The following BLTP3B variants were observed in gnomAD, a reference collection of about 807,000 sequenced individuals.
The protein encoded by BLTP3B is bridge-like lipid transfer protein family member 3B.
chr12:100,138,646 C>T, the BLTP3B span, among the ~76,000 whole-genome samples: 1 of 152,234 alleles, frequency 6.6e-6, no homozygotes, highest in South Asian at 2.1e-4. Context: ...ACGATGACTC[C>T]ACCGAGGTGA....
At chr12:100,091,651 C>T in the BLTP3B span, among the ~76,000 whole-genome samples, 3 of 151,780 alleles carry the variant, frequency 2.0e-5, no homozygotes, top group Admixed American at 6.6e-5. Flanking sequence ...TATAGGCACC[C>T]GCCACCACGC....
At chr12:100,059,086 G>T in the BLTP3B span, 1 of 1,614,042 alleles carries the variant, frequency 6.2e-7, no homozygotes, top group South Asian at 1.1e-5. Context: ...TATCTTGTTG[G>T]TTGACAAATC....
the BLTP3B span, among the ~76,000 whole-genome samples, chr12:100,105,401 A>G: frequency 1.7e-4 from 26 of 152,022 alleles, no homozygotes; most frequent in Non-Finnish European, 2.6e-4. Context: ...CTAACAATCA[A>G]CTGATCTTTG....
chr12:100,097,556 G>A, the BLTP3B span: 1 of 1,503,152 alleles, frequency 6.7e-7, no homozygotes, highest in Non-Finnish European at 8.9e-7. Context: ...AACAGAATGA[G>A]AAAAATGTAG....
the BLTP3B span, among the ~76,000 whole-genome samples, chr12:100,044,755 C>G: frequency 2.0e-5 from 3 of 152,134 alleles, no homozygotes; most frequent in African/African-American, 7.2e-5. Flanking sequence ...CCAGGGCAAT[C>G]AGGCAAGACA....
chr12:100,136,578 C>T, the BLTP3B span, among the ~76,000 whole-genome samples: 1 of 151,804 alleles, frequency 6.6e-6, no homozygotes, highest in East Asian at 1.9e-4. Flanking sequence ...CTGAGCTTTA[C>T]CATAAAAGTT....
chr12:100,070,165 G>A, the BLTP3B span: 140 of 1,571,180 alleles, frequency 8.9e-5, 2 homozygotes, highest in African/African-American at 1.6e-3. Flanking sequence ...TGCTTAGGAA[G>A]GCAGCTGAGA....
At chr12:100,137,295 C>A in the BLTP3B span, among the ~76,000 whole-genome samples, 1 of 152,042 alleles carries the variant, frequency 6.6e-6, no homozygotes, top group African/African-American at 2.4e-5. Context: ...TATCAGCTAC[C>A]GCCCTCTCCT....
chr12:100,051,633 A>T, the BLTP3B span: 1 of 153,542 alleles, frequency 6.5e-6, no homozygotes, highest in Non-Finnish European at 1.4e-5. Context: ...ATACATTATT[A>T]AAAAAATGGC....
the BLTP3B span, among the ~76,000 whole-genome samples, chr12:100,112,061 T>C: frequency 2.0e-5 from 3 of 152,204 alleles, no homozygotes; most frequent in African/African-American, 7.2e-5. Flanking sequence ...TTCTCCTTAT[T>C]TATACTTCTC....
chr12:100,112,966 T>G, the BLTP3B span, among the ~76,000 whole-genome samples: 1 of 148,416 alleles, frequency 6.7e-6, no homozygotes, highest in Non-Finnish European at 1.5e-5. Flanking sequence ...AGCCCAGGAG[T>G]TCAAGACTAG....
chr12:100,140,574 G>A, the BLTP3B span, among the ~76,000 whole-genome samples: 7 of 150,546 alleles, frequency 4.6e-5, no homozygotes, highest in African/African-American at 1.7e-4. Flanking sequence ...GCGTGGTGGC[G>A]CATGCCTGTA....
At chr12:100,039,475 G>A in the BLTP3B span, 1 of 1,051,028 alleles carries the variant, frequency 9.5e-7, no homozygotes, top group Non-Finnish European at 1.3e-6. Context: ...AAAGCACCTG[G>A]GCACAATAAC....
At chr12:100,091,572 G>A in the BLTP3B span, among the ~76,000 whole-genome samples, 4 of 150,734 alleles carry the variant, frequency 2.7e-5, no homozygotes, top group Non-Finnish European at 5.9e-5. Context: ...GCATGATCTC[G>A]GCTCACTGCA....
At chr12:100,043,724 G>A in the BLTP3B span, among the ~76,000 whole-genome samples, 5 of 152,210 alleles carry the variant, frequency 3.3e-5, no homozygotes, top group African/African-American at 1.2e-4. Context: ...GGGCTTAGCA[G>A]CTGCATAATC....
At chr12:100,058,146 T>G in the BLTP3B span, 3 of 1,613,556 alleles carry the variant, frequency 1.9e-6, no homozygotes, top group African/African-American at 2.7e-5. Flanking sequence ...AAAGATGGAC[T>G]CTATGGTTTC....
the BLTP3B span, chr12:100,058,701 C>G: frequency 8.7e-6 from 14 of 1,613,884 alleles, no homozygotes; most frequent in African/African-American, 1.7e-4. Context: ...AATTCCAATA[C>G]AAATGGATGT....
the BLTP3B span, among the ~76,000 whole-genome samples, chr12:100,038,203 T>C: frequency 6.6e-6 from 1 of 152,228 alleles, no homozygotes; most frequent in Non-Finnish European, 1.5e-5. Flanking sequence ...TTAGTTCCAT[T>C]GCTCGGTCGT....
chr12:100,086,711 C>G, the BLTP3B span, among the ~76,000 whole-genome samples: 1 of 152,094 alleles, frequency 6.6e-6, no homozygotes, highest in African/African-American at 2.4e-5. Flanking sequence ...TTCATAACAA[C>G]CGCATTTGAT....
Sources: allele counts gnomAD v4.1 joint callset (sites outside exome capture counted in the v4.1 genomes callset), GRCh38; gene constraint gnomAD v4.1.1; transcripts MANE v1.5; gene names NCBI Gene and HGNC (gene_info 2026-07-23, HGNC 2026-07-21).